Variants in DAO observed in about 807,000 individuals in gnomAD.
DAO encodes D-amino-acid oxidase.
In DAO, 51 loss-of-function variants were observed where a neutral mutation model predicts 50.1. That is an observed-to-expected ratio of 1.02 (90% CI 0.81 to 1.29). The LOEUF (loss-of-function observed/expected upper bound fraction) is 1.29, where lower values mean the gene tolerates loss of function less well. Ranked by LOEUF, DAO falls within the 50% of genes most tolerant of loss-of-function variation. The probability of loss-of-function intolerance (pLI) is 0.00; values close to 1 mark genes in which losing one functional copy is unlikely to be tolerated. For missense variants in DAO, 436 were observed against 439.4 expected (o/e 0.99, Z 0.07); for synonymous variants, 160 against 166.2 (o/e 0.96, Z 0.29).
At chr12:108,884,905 C>A in intron 1 of DAO, 93 bp from the exon 2 acceptor site, 1 of 1,193,976 alleles carries the variant, frequency 8.4e-7, no homozygotes, top group Non-Finnish European at 1.3e-6. Context: ...TGGTGTCTGG[C>A]ACCTTCTAAG....
chr12:108,894,511 C>A, intron 7 of DAO, 144 bp downstream of exon 7: 2 of 682,498 alleles, frequency 2.9e-6, no homozygotes, highest in Non-Finnish European at 5.1e-6. Flanking sequence ...GTAAAAAAAA[C>A]AAACCTGTCC....
intron 1 of DAO, among the ~76,000 whole-genome samples, chr12:108,882,045 G>A (rs7316889): frequency 0.027 from 4,028 of 151,714 alleles, 193 homozygotes; most frequent in African/African-American, 0.091. Context: ...CCTATTTACC[G>A]GCTTGATTCT....
intron 1 of DAO, among the ~76,000 whole-genome samples, chr12:108,881,511 G>A (rs77567163): frequency 2.0e-4 from 20 of 102,502 alleles, no homozygotes; most frequent in African/African-American, 8.0e-4. Flanking sequence ...ACACACACAC[G>A]TTGCTATAAT....
chr12:108,898,953 A>G (rs2039592892), intron 9 of DAO, among the ~76,000 whole-genome samples, 157 bp downstream of exon 9: 1 of 152,196 alleles, frequency 6.6e-6, no homozygotes, highest in South Asian at 2.1e-4. Flanking sequence ...TGTACAGGGA[A>G]GTTCTTGCTA....
At chr12:108,900,201 A>G (rs1368967387) in intron 10 of DAO, 2 of 574,074 alleles carry the variant, frequency 3.5e-6, no homozygotes, top group South Asian at 3.8e-5. Flanking sequence ...CCAGATATCC[A>G]TTTTGTGGCT....
intron 1 of DAO, among the ~76,000 whole-genome samples, chr12:108,881,359 C>A (rs1426933770): frequency 6.6e-6 from 1 of 151,904 alleles, no homozygotes; most frequent in African/African-American, 2.4e-5. Context: ...GCGTTTAAGT[C>A]CAAAAGCTCA....
At chr12:108,900,031 T>C in intron 10 of DAO, 1 of 327,472 alleles carries the variant, frequency 3.1e-6, no homozygotes, top group Non-Finnish European at 5.9e-6. Flanking sequence ...TGAATGACCT[T>C]ATTAAATCTC....
intron 1 of DAO, among the ~76,000 whole-genome samples, chr12:108,881,601 A>ATT (rs34780883): frequency 0.08 from 7,955 of 99,070 alleles, 702 homozygotes; most frequent in Admixed American, 0.23. Flanking sequence ...TTCCTTTTAA[A>ATT]TTTTTTTTTT....
chr12:108,881,414 C>T (rs1225878827), intron 1 of DAO, among the ~76,000 whole-genome samples: 2 of 148,908 alleles, frequency 1.3e-5, no homozygotes, highest in African/African-American at 5.0e-5. Context: ...GGATCTGCCA[C>T]ATCTGACAAT....
rs758713423 is a variant in DAO, at chr12:108,880,092, G to C, written c.-142G>C. ...GTCCATAGCTCCAGACTTTGACCCT[G>C]CACTCCAGTCCGGGCTGGCGGACAG... On this transcript the variant is annotated 5_prime_UTR_variant, in exon 1 of 11. Coordinates refer to ENST00000228476, the MANE Select transcript of DAO (RefSeq NM_001917.5). 4.4e-6 allele frequency: 2 copies of C among 456,520 alleles called. No individual in the cohort carries two copies. Among genetic ancestry groups the C allele is most frequent in the South Asian group, 3.1e-5 (2 of 64,572 alleles). 28.3% of individuals were successfully genotyped at this position (456,520 alleles called of 1,614,324 possible).
intron 7 of DAO, among the ~76,000 whole-genome samples, chr12:108,896,656 G>A (rs2039564016): frequency 6.6e-6 from 1 of 152,086 alleles, no homozygotes; most frequent in African/African-American, 2.4e-5. Context: ...CAGCTCCAAG[G>A]TTTCTCTGGG....
chr12:108,885,078 C>T lies in DAO; in HGVS notation c.72C>T (p.His24=). 1 of 1,614,220 alleles carries T rather than the reference C, an allele frequency of 6.2e-7. No individual in the cohort carries two copies. Among genetic ancestry groups the T allele is most frequent in the Non-Finnish European group, 8.5e-7 (1 of 1,180,028 alleles). ...STALCIHERY[H]SVLQPLDIKV... ...CCCTCTGCATCCATGAGCGCTACCACTCAGTCCTGCAGCCACTGGACATAA... is the reference window on the plus strand; with the variant it reads ...CCCTCTGCATCCATGAGCGCTACCATTCAGTCCTGCAGCCACTGGACATAA... The change falls in exon 2 of 11, where the codon CAC becomes CAT. Residue 24 remains histidine (H), a synonymous_variant. Transcript: ENST00000228476.
At chr12:108,896,419 C>CAAAA (rs386377704) in intron 7 of DAO, among the ~76,000 whole-genome samples, 705 of 59,316 alleles carry the variant, frequency 0.012, 21 homozygotes, top group Admixed American at 0.046. Context: ...GAGGCTGTCT[C>CAAAA]AAAAAAAAAA....
At chr12:108,896,682 A>T (rs1431239931) in intron 7 of DAO, among the ~76,000 whole-genome samples, 1 of 151,998 alleles carries the variant, frequency 6.6e-6, no homozygotes, top group African/African-American at 2.4e-5. Context: ...TGGGGCCAAG[A>T]GGGGGTCTGT....
chr12:108,887,114 G>C (rs1326333269), intron 2 of DAO, among the ~76,000 whole-genome samples: 3 of 152,202 alleles, frequency 2.0e-5, no homozygotes, highest in Non-Finnish European at 4.4e-5. Context: ...CTTGCAGCCA[G>C]ACTGAACAGT....
chr12:108,881,623 T>G (rs1482711098), intron 1 of DAO, among the ~76,000 whole-genome samples: 13 of 126,784 alleles, frequency 1.0e-4, no homozygotes, highest in Non-Finnish European at 2.0e-4. Flanking sequence ...TTTTTTTTTT[T>G]GACAGAGTTT....
At chr12:108,893,136 TC>T in intron 6 of DAO, 100 bp downstream of exon 6, 1 of 1,053,290 alleles carries the variant, frequency 9.5e-7, no homozygotes. Context: ...GCTCCTAGGG[TC>T]CCCACAGGCC....
chr12:108,886,828 G>A (rs2039440659), intron 2 of DAO, among the ~76,000 whole-genome samples: 1 of 152,188 alleles, frequency 6.6e-6, no homozygotes, highest in Non-Finnish European at 1.5e-5. Context: ...GTGATTCGGG[G>A]CCCAGGCTCC....
chr12:108,900,460 C>T lies in DAO; in HGVS notation c.969C>T (p.Ala323=), dbSNP rs200028465. The part of the protein sequence containing the change: ...GYGLTIHWGC[A]LEAAKLFGRI... ...GGCTCACCATCCACTGGGGATGTGC[C>T]CTGGAGGCAGCCAAGCTCTTTGGGA... Residue 323 remains alanine, a synonymous_variant, in exon 11 of 11, where the codon GCC becomes GCT. Coordinates refer to ENST00000228476, the MANE Select transcript of DAO (RefSeq NM_001917.5). 1.9e-6 allele frequency: 3 copies of T among 1,614,152 alleles called. No homozygotes were observed. The highest frequency in any genetic ancestry group is 2.2e-5 in the East Asian group (1 of 44,880).
Sources: allele counts gnomAD v4.1 joint callset (sites outside exome capture counted in the v4.1 genomes callset), GRCh38; gene constraint gnomAD v4.1.1; transcripts MANE v1.5; gene names NCBI Gene and HGNC (gene_info 2026-07-23, HGNC 2026-07-21).